ROBO2: variants seen among roughly 807,000 people sequenced by gnomAD.
ROBO2 encodes the protein roundabout guidance receptor 2.
ROBO2 carries 53 observed loss-of-function variants against 160.8 expected under a neutral mutation model. The ratio of observed to expected loss-of-function variants is 0.33; its 90% CI spans 0.26 to 0.41. The LOEUF (loss-of-function observed/expected upper bound fraction) is 0.41. ROBO2 is among the 10% of genes least tolerant of loss of function. The probability of loss-of-function intolerance (pLI) is 1.00; values close to 1 mark genes in which losing one functional copy is unlikely to be tolerated. For synonymous variants in ROBO2, 664 were observed against 611.7 expected (o/e 1.09, Z -1.26); for missense variants, 1,577 against 1,722.4 (o/e 0.92, Z 1.49).
rs146261075 is a variant in ROBO2 at position 76,071,348 on chromosome 3, C to T, written c.109+133746C>T. ...CTCAGAAATTAATTTGACCTCTTTGCTGCCTTGCCATCCTACTTAATTACT... is the reference window on the plus strand; with the variant it reads ...CTCAGAAATTAATTTGACCTCTTTGTTGCCTTGCCATCCTACTTAATTACT... On this transcript the variant is annotated intron_variant, in intron 2 of 26. Transcript: ENST00000487694. 3.9e-5 allele frequency among the ~76,000 whole-genome samples: 6 copies of T among 152,294 alleles called. No homozygotes were observed. In the East Asian group the frequency reaches 1.2e-3, roughly 29 times the overall value.
chr3:76,425,988 C>T (rs1373143668), intron 2 of ROBO2, among the ~76,000 whole-genome samples: 1 of 152,182 alleles, frequency 6.6e-6, no homozygotes, highest in African/African-American at 2.4e-5. Context: ...ATTAATACCT[C>T]TGTTTCCTTT....
chr3:77,362,295 A>G (rs2070140758), intron 2 of ROBO2, among the ~76,000 whole-genome samples: 1 of 152,184 alleles, frequency 6.6e-6, no homozygotes, highest in African/African-American at 2.4e-5. Context: ...TATAGCATGC[A>G]CAAGTGGGAA....
intron 8 of ROBO2, among the ~76,000 whole-genome samples, chr3:77,554,037 T>C (rs1187453511): frequency 6.6e-6 from 1 of 151,916 alleles, no homozygotes; most frequent in African/African-American, 2.4e-5. Context: ...TGGCTTTAAA[T>C]GACAGACTAA....
intron 2 of ROBO2, among the ~76,000 whole-genome samples, chr3:76,516,223 A>G (rs1321201108): frequency 1.3e-5 from 2 of 152,192 alleles, no homozygotes; most frequent in African/African-American, 4.8e-5. Flanking sequence ...CTGGGACTCT[A>G]TGAGCAACAG....
At chr3:76,281,437 T>G (rs896232242) in intron 2 of ROBO2, among the ~76,000 whole-genome samples, 1 of 151,994 alleles carries the variant, frequency 6.6e-6, no homozygotes. Flanking sequence ...CAATAACAAA[T>G]TTTACTTATA....
At chr3:76,392,281 T>G (rs528667529) in intron 2 of ROBO2, among the ~76,000 whole-genome samples, 45 of 152,294 alleles carry the variant, frequency 3.0e-4, no homozygotes, top group Admixed American at 1.5e-3. Flanking sequence ...TATCTGAGTT[T>G]TGCTTTAATT....
intron 2 of ROBO2, among the ~76,000 whole-genome samples, chr3:76,418,247 G>C (rs1012272781): frequency 4.0e-5 from 6 of 151,724 alleles, no homozygotes; most frequent in Non-Finnish European, 8.8e-5. Flanking sequence ...GAGAGAGAGA[G>C]AGGGAGAGAG....
chr3:76,215,247 C>CA (rs1411704824), intron 2 of ROBO2, among the ~76,000 whole-genome samples: 16 of 152,126 alleles, frequency 1.1e-4, no homozygotes, highest in African/African-American at 3.1e-4. Flanking sequence ...CTCTAAAAAT[C>CA]GAGCACCTCT....
chr3:77,016,652 A>G (rs1328455452), intron 2 of ROBO2, among the ~76,000 whole-genome samples: 2 of 152,148 alleles, frequency 1.3e-5, no homozygotes, highest in African/African-American at 4.8e-5. Flanking sequence ...TAGTCCTCTC[A>G]ATAGCTCTGT....
chr3:76,290,652 T>C (rs1708756688), intron 2 of ROBO2, among the ~76,000 whole-genome samples: 1 of 152,148 alleles, frequency 6.6e-6, no homozygotes, highest in Non-Finnish European at 1.5e-5. Context: ...ATGTCAGTTG[T>C]GGGTCTGTCA....
At chr3:76,003,732 T>G (rs1000247079) in intron 2 of ROBO2, among the ~76,000 whole-genome samples, 1 of 152,212 alleles carries the variant, frequency 6.6e-6, no homozygotes, top group Non-Finnish European at 1.5e-5. Context: ...AGTGTTGGAA[T>G]TTTAGCATTT....
intron 2 of ROBO2, among the ~76,000 whole-genome samples, chr3:76,164,816 AC>A (rs1466388876): frequency 6.6e-6 from 1 of 151,956 alleles, no homozygotes; most frequent in Non-Finnish European, 1.5e-5. Context: ...ACTTAAAGTC[AC>A]CAGCTGCATT....
intron 1 of ROBO2, among the ~76,000 whole-genome samples, chr3:77,081,406 G>C (rs1559966224): frequency 6.6e-6 from 1 of 152,208 alleles, no homozygotes; most frequent in Non-Finnish European, 1.5e-5. Flanking sequence ...CAGCTTGAGA[G>C]TGTGCACTCT....
chr3:77,317,879 GGCTGCTGGGGGGCTGCTAGGGGC>G (rs1429849828), intron 2 of ROBO2, among the ~76,000 whole-genome samples: 3 of 65,484 alleles, frequency 4.6e-5, no homozygotes, highest in East Asian at 6.0e-4. Flanking sequence ...GCTGCTGGGG[GGCTGCTGGGGGGCTGCTAGGGGC>G]GCTGCTGGGG....
intron 2 of ROBO2, among the ~76,000 whole-genome samples, chr3:76,094,192 C>G (rs1428499610): frequency 6.6e-6 from 1 of 151,982 alleles, no homozygotes; most frequent in Non-Finnish European, 1.5e-5. Flanking sequence ...GAAATACACC[C>G]CTCAGAAAGT....
chr3:76,157,541 C>T (rs1295445889), intron 2 of ROBO2, among the ~76,000 whole-genome samples: 2 of 152,078 alleles, frequency 1.3e-5, no homozygotes, highest in Non-Finnish European at 1.5e-5. Flanking sequence ...ATGTATATTT[C>T]TGAATATTTG....
At chr3:76,806,250 T>C (rs2064704830) in intron 2 of ROBO2, among the ~76,000 whole-genome samples, 1 of 150,406 alleles carries the variant, frequency 6.6e-6, no homozygotes, top group Non-Finnish European at 1.5e-5. Context: ...TGTGTTACTA[T>C]ACATATACAT....
At chr3:76,600,890 A>G (rs2087091272) in intron 2 of ROBO2, among the ~76,000 whole-genome samples, 1 of 152,196 alleles carries the variant, frequency 6.6e-6, no homozygotes, top group African/African-American at 2.4e-5. Context: ...GAAACAAGGC[A>G]AGTTCCTCCC....
At chr3:77,612,559 C>G (rs981590235) in intron 21 of ROBO2, among the ~76,000 whole-genome samples, 1 of 152,128 alleles carries the variant, frequency 6.6e-6, no homozygotes, top group Non-Finnish European at 1.5e-5. Context: ...GATCTGTGGA[C>G]ATTTTTCAGT....
Sources: gnomAD v4.1 joint callset for allele counts (sites outside exome capture counted in the v4.1 genomes callset) on GRCh38, gnomAD v4.1.1 for gene constraint, MANE v1.5 for transcripts, NCBI Gene and HGNC (gene_info 2026-07-23, HGNC 2026-07-21) for gene names.